The following EPHA3 variants were observed in gnomAD, a reference collection of about 807,000 sequenced individuals.
The protein encoded by EPHA3 is EPH receptor A3.
A neutral mutation model predicts 107.1 loss-of-function variants in EPHA3; 42 were observed. The ratio of observed to expected loss-of-function variants is 0.39; its 90% CI spans 0.31 to 0.51. The LOEUF (loss-of-function observed/expected upper bound fraction) is 0.51, where lower values mean the gene tolerates loss of function less well. EPHA3 is among the 20% of genes least tolerant of loss of function. EPHA3 has a pLI of 0.78. For missense variants in EPHA3, 1,183 were observed against 1,211.2 expected (o/e 0.98, Z 0.35); for synonymous variants, 461 against 424.8 (o/e 1.09, Z -1.05).
At chr3:89,314,791 A>T (rs1482973556) in intron 3 of EPHA3, among the ~76,000 whole-genome samples, 2 of 152,028 alleles carry the variant, frequency 1.3e-5, no homozygotes, top group African/African-American at 4.8e-5. Context: ...TTATTCCCTG[A>T]TGGAAATTAT....
intron 16 of EPHA3, among the ~76,000 whole-genome samples, chr3:89,477,606 CTG>C (rs149529796): frequency 1.8e-4 from 27 of 150,824 alleles, no homozygotes; most frequent in African/African-American, 5.8e-4. Flanking sequence ...GGAATCCCCT[CTG>C]TGTGTGTGTG....
intron 13 of EPHA3, among the ~76,000 whole-genome samples, chr3:89,443,721 C>A (rs1424213811): frequency 6.6e-6 from 1 of 152,018 alleles, no homozygotes; most frequent in Non-Finnish European, 1.5e-5. Flanking sequence ...ATACTTTAAA[C>A]TGGGGGAATA....
chr3:89,151,614 C>T (rs1181644655), intron 2 of EPHA3, among the ~76,000 whole-genome samples: 1 of 152,032 alleles, frequency 6.6e-6, no homozygotes, highest in East Asian at 1.9e-4. Flanking sequence ...ACTGTTTATA[C>T]AAGAAAATTA....
chr3:89,349,761 T>C (rs1428646076), intron 5 of EPHA3, among the ~76,000 whole-genome samples: 4 of 150,728 alleles, frequency 2.7e-5, no homozygotes, highest in African/African-American at 9.7e-5. Context: ...GTACCAGTTG[T>C]TCCTTTCCAT....
intron 2 of EPHA3, among the ~76,000 whole-genome samples, chr3:89,153,120 C>A (rs569278867): frequency 1.3e-4 from 20 of 152,138 alleles, no homozygotes; most frequent in Admixed American, 6.6e-4. Flanking sequence ...GCAATAAAAG[C>A]CACAGATGTT....
At chr3:89,192,060 G>A (rs1314599341) in intron 2 of EPHA3, among the ~76,000 whole-genome samples, 10 of 152,184 alleles carry the variant, frequency 6.6e-5, no homozygotes, top group Admixed American at 2.0e-4. Context: ...TTCATCTTTT[G>A]AAAGGAGATA....
chr3:89,289,608 T>A (rs183652299), intron 3 of EPHA3, among the ~76,000 whole-genome samples: 1 of 152,202 alleles, frequency 6.6e-6, no homozygotes, highest in Admixed American at 6.5e-5. Flanking sequence ...TATTAATAGG[T>A]ACTGTATTGT....
At position 89,450,172 on chromosome 3, in the gene EPHA3, C is replaced by T. The variant is rs2107554708; in HGVS notation, c.2497-5C>T. On this transcript the variant is annotated splice_region_variant and splice_polypyrimidine_tract_variant and intron_variant, in intron 14 of 16. Transcript: ENST00000336596. ...TGGTTCCTGAAAACTTTGCTTCTCA[C>T]ACAGGTAATTAAAGCTGTAGATGAG... The T allele has an allele frequency of 6.4e-7, 1 of 1,564,814 alleles. No individual in the cohort carries two copies. Among genetic ancestry groups the T allele is most frequent in the Non-Finnish European group, 8.7e-7 (1 of 1,153,990 alleles).
intron 3 of EPHA3, among the ~76,000 whole-genome samples, chr3:89,215,301 G>A (rs970486863): frequency 1.3e-5 from 2 of 151,848 alleles, no homozygotes; most frequent in African/African-American, 4.8e-5. Flanking sequence ...TTATGTGAGT[G>A]CACTATCTAA....
At chr3:89,231,092 G>T (rs1269448557) in intron 3 of EPHA3, among the ~76,000 whole-genome samples, 2 of 151,936 alleles carry the variant, frequency 1.3e-5, no homozygotes, top group African/African-American at 4.8e-5. Flanking sequence ...TTTATGTAAT[G>T]GGGGAATAGA....
At chr3:89,297,123 T>A (rs1425467226) in intron 3 of EPHA3, among the ~76,000 whole-genome samples, 2 of 152,284 alleles carry the variant, frequency 1.3e-5, no homozygotes, top group East Asian at 3.9e-4. Flanking sequence ...ATATCAGCAA[T>A]AAGGTTGTTT....
chr3:89,371,883 A>G (rs1358948522), intron 5 of EPHA3, among the ~76,000 whole-genome samples: 1 of 151,622 alleles, frequency 6.6e-6, no homozygotes, highest in Non-Finnish European at 1.5e-5. Flanking sequence ...AAATGACTCA[A>G]CATTTGAAGA....
At chr3:89,386,239 G>A (rs1046249182) in intron 5 of EPHA3, among the ~76,000 whole-genome samples, 13 of 152,184 alleles carry the variant, frequency 8.5e-5, no homozygotes, top group African/African-American at 1.2e-4. Flanking sequence ...CAAGACAATC[G>A]GGAAAACATC....
intron 2 of EPHA3, among the ~76,000 whole-genome samples, chr3:89,129,374 T>C (rs1704154577): frequency 6.6e-6 from 1 of 152,028 alleles, no homozygotes; most frequent in Non-Finnish European, 1.5e-5. Context: ...GTCATTCTCT[T>C]CAAGCTTATC....
chr3:89,416,237 C>G (rs1709243665), intron 10 of EPHA3, among the ~76,000 whole-genome samples: 2 of 151,042 alleles, frequency 1.3e-5, no homozygotes, highest in Non-Finnish European at 3.0e-5. Context: ...TATAAATATA[C>G]CTATTTCAAA....
At chr3:89,233,413 G>A (rs1247827577) in intron 3 of EPHA3, among the ~76,000 whole-genome samples, 1 of 152,080 alleles carries the variant, frequency 6.6e-6, no homozygotes, top group Non-Finnish European at 1.5e-5. Flanking sequence ...TTGTCCAGTT[G>A]TTAAGGCATG....
intron 16 of EPHA3, among the ~76,000 whole-genome samples, chr3:89,476,755 C>G (rs1710521364): frequency 6.6e-6 from 1 of 150,856 alleles, no homozygotes; most frequent in Non-Finnish European, 1.5e-5. Flanking sequence ...GTACAGGCGC[C>G]CGCCACCACG....
intron 3 of EPHA3, among the ~76,000 whole-genome samples, chr3:89,296,839 T>A (rs1402268810): frequency 1.3e-5 from 2 of 152,220 alleles, no homozygotes; most frequent in African/African-American, 4.8e-5. Context: ...TCTTTATCAA[T>A]TATCTTAGCT....
At chr3:89,456,903 A>G (rs1436068879) in intron 15 of EPHA3, among the ~76,000 whole-genome samples, 2 of 152,198 alleles carry the variant, frequency 1.3e-5, no homozygotes, top group African/African-American at 2.4e-5. Flanking sequence ...TGTGATGATT[A>G]TATAGGTACC....
Sources: allele counts gnomAD v4.1 joint callset (sites outside exome capture counted in the v4.1 genomes callset), GRCh38; gene constraint gnomAD v4.1.1; transcripts MANE v1.5; gene names NCBI Gene and HGNC (gene_info 2026-07-23, HGNC 2026-07-21).